OTOGL: variants seen among roughly 807,000 people sequenced by gnomAD.
OTOGL encodes the protein otogelin like.
A neutral mutation model predicts 318.5 loss-of-function variants in OTOGL; 285 were observed. That is an observed-to-expected ratio of 0.89 (90% confidence interval 0.81 to 0.99). The LOEUF is 0.99. Among genes scored for constraint, OTOGL ranks in the 50% least tolerant of loss-of-function variants. OTOGL has a pLI of 0.00. For synonymous variants in OTOGL, 987 were observed against 936.5 expected, an observed-to-expected ratio of 1.05 and a Z score of -0.99; for missense variants, 2,899 against 2,845.6, an observed-to-expected ratio of 1.02 and a Z score of -0.43.
At chr12:80,148,514 A>G (rs1490619149) in intron 1 of OTOGL, among the ~76,000 whole-genome samples, 2 of 149,826 alleles carry the variant, frequency 1.3e-5, no homozygotes, top group South Asian at 2.1e-4. Flanking sequence ...ACTTTGGTGA[A>G]TCTGACAATT....
chr12:80,189,936 G>T (rs763250611), intron 1 of OTOGL, among the ~76,000 whole-genome samples: 8 of 152,176 alleles, frequency 5.3e-5, no homozygotes, highest in Non-Finnish European at 1.2e-4. Context: ...TACTTTGTCA[G>T]ACTTGACTAG....
chr12:80,124,747 C>G (rs1008048345), intron 1 of OTOGL, among the ~76,000 whole-genome samples: 2 of 151,888 alleles, frequency 1.3e-5, no homozygotes, highest in African/African-American at 4.8e-5. Flanking sequence ...TTGAAGAGGT[C>G]CTTCACATCC....
chr12:80,317,493 T>C (rs1003584872), intron 32 of OTOGL, among the ~76,000 whole-genome samples: 8 of 152,170 alleles, frequency 5.3e-5, no homozygotes, highest in Admixed American at 2.0e-4. Flanking sequence ...CTCTGTCTCC[T>C]TTCTCATTCT....
intron 44 of OTOGL, among the ~76,000 whole-genome samples, chr12:80,346,892 A>G (rs1251931755): frequency 6.6e-6 from 1 of 152,186 alleles, no homozygotes; most frequent in Non-Finnish European, 1.5e-5. Flanking sequence ...TCTAGCTTAA[A>G]CAGGGTAACA....
At chr12:80,278,857 G>T (rs879382840) in intron 25 of OTOGL, among the ~76,000 whole-genome samples, 171 bp from the exon 26 acceptor site, 6 of 151,602 alleles carry the variant, frequency 4.0e-5, no homozygotes. Context: ...AGTGAAAAAC[G>T]TATGCCTAAT....
chr12:80,210,687 G>A (rs1332592876), intron 2 of OTOGL, among the ~76,000 whole-genome samples, 160 bp from the exon 3 acceptor site: 1 of 152,030 alleles, frequency 6.6e-6, no homozygotes, highest in Non-Finnish European at 1.5e-5. Flanking sequence ...GTGTCTCACA[G>A]GAAATTTGCT....
intron 24 of OTOGL, among the ~76,000 whole-genome samples, chr12:80,275,375 A>G (rs1883724117): frequency 1.3e-5 from 2 of 151,930 alleles, no homozygotes; most frequent in South Asian, 2.1e-4. Context: ...TAGAATTAGA[A>G]GTGAAGCCTG....
At chr12:80,150,367 A>G (rs1314200436) in intron 1 of OTOGL, among the ~76,000 whole-genome samples, 1 of 152,262 alleles carries the variant, frequency 6.6e-6, no homozygotes, top group African/African-American at 2.4e-5. Flanking sequence ...ATAAAAATGA[A>G]AAGATAAAGC....
intron 1 of OTOGL, chr12:80,102,994 C>T: frequency 2.2e-6 from 2 of 923,144 alleles, no homozygotes; most frequent in Admixed American, 3.4e-5. Flanking sequence ...TTTTTGCTGT[C>T]TTTGTCCAGT....
intron 42 of OTOGL, among the ~76,000 whole-genome samples, chr12:80,337,955 GT>G (rs769011294): frequency 4.6e-5 from 7 of 152,000 alleles, no homozygotes; most frequent in Non-Finnish European, 7.4e-5. Flanking sequence ...CACAAAGCTG[GT>G]CAGTGTCATT....
At chr12:80,119,409 T>C (rs1870355462) in intron 1 of OTOGL, among the ~76,000 whole-genome samples, 1 of 152,242 alleles carries the variant, frequency 6.6e-6, no homozygotes, top group African/African-American at 2.4e-5. Context: ...CAGTTCACCC[T>C]GCAGTCTGCT....
At chr12:80,279,418 T>C (rs1193785346) in intron 26 of OTOGL, among the ~76,000 whole-genome samples, 1 of 151,414 alleles carries the variant, frequency 6.6e-6, no homozygotes. Context: ...ACCCAATAGA[T>C]AGTTTTTTGA....
chr12:80,336,257 G>C, intron 39 of OTOGL, 117 bp downstream of exon 39: 1 of 1,346,450 alleles, frequency 7.4e-7, no homozygotes, highest in Non-Finnish European at 9.7e-7. Context: ...GAGTTTTCAT[G>C]ATTTGATTTA....
chr12:80,219,475 C>T (rs186277148), intron 5 of OTOGL, among the ~76,000 whole-genome samples: 6 of 152,286 alleles, frequency 3.9e-5, no homozygotes, highest in East Asian at 3.9e-4. Flanking sequence ...ACTCTGTCAA[C>T]GGAATCATCT....
At chr12:80,246,354 T>G (rs956319582) in intron 11 of OTOGL, among the ~76,000 whole-genome samples, 4 of 144,180 alleles carry the variant, frequency 2.8e-5, no homozygotes, top group African/African-American at 8.4e-5. Flanking sequence ...CCTAATTTAT[T>G]GAGAGTTTTT....
At chr12:80,199,557 G>A (rs1283797482) in intron 1 of OTOGL, among the ~76,000 whole-genome samples, 5 of 152,160 alleles carry the variant, frequency 3.3e-5, no homozygotes, top group African/African-American at 1.2e-4. Context: ...CATTGAATTA[G>A]TTTAATAGAT....
At chr12:80,315,085 G>T (rs1409774231) in intron 32 of OTOGL, among the ~76,000 whole-genome samples, 1 of 152,158 alleles carries the variant, frequency 6.6e-6, no homozygotes, top group Non-Finnish European at 1.5e-5. Flanking sequence ...TGGGAAGTGG[G>T]CAGGGAAAGG....
intron 1 of OTOGL, among the ~76,000 whole-genome samples, chr12:80,142,794 C>T (rs1465750278): frequency 6.6e-6 from 1 of 152,078 alleles, no homozygotes; most frequent in Non-Finnish European, 1.5e-5. Context: ...ATGAAACAGG[C>T]ACCAGAAGCT....
intron 28 of OTOGL, among the ~76,000 whole-genome samples, chr12:80,303,161 ATTT>A (rs900188184): frequency 2.0e-5 from 3 of 151,726 alleles, no homozygotes; most frequent in Non-Finnish European, 2.9e-5. Context: ...AATTATTATT[ATTT>A]TTTTTTTTTG....
Sources: gnomAD v4.1 joint callset for allele counts (sites outside exome capture counted in the v4.1 genomes callset) on GRCh38, gnomAD v4.1.1 for gene constraint, MANE v1.5 for transcripts, NCBI Gene and HGNC (gene_info 2026-07-23, HGNC 2026-07-21) for gene names.